SHANK2: variants seen among roughly 807,000 people sequenced by gnomAD.
SHANK2 encodes SH3 and multiple ankyrin repeat domains 2.
Under a neutral mutation model 133.7 loss-of-function variants are expected in SHANK2, and 43 were observed. That is an observed-to-expected ratio of 0.32 (90% CI 0.25 to 0.41). The LOEUF (loss-of-function observed/expected upper bound fraction) is 0.41, where lower values mean the gene tolerates loss of function less well. Among genes scored for constraint, SHANK2 ranks in the 10% least tolerant of loss-of-function variants. The pLI is 1.00. For synonymous variants in SHANK2, 1,017 were observed against 952.8 expected (o/e 1.07, Z -1.24); for missense variants, 1,994 against 2,235.8 (o/e 0.89, Z 2.18).
chr11:70,638,598 C>G (rs2061137184), intron 17 of SHANK2, among the ~76,000 whole-genome samples: 1 of 152,200 alleles, frequency 6.6e-6, no homozygotes, highest in South Asian at 2.1e-4. Context: ...CGAGGAAGCC[C>G]TATTTTCTTT....
At chr11:71,223,087 G>T (rs192889091) in intron 2 of SHANK2, among the ~76,000 whole-genome samples, 38 of 152,362 alleles carry the variant, frequency 2.5e-4, no homozygotes, top group African/African-American at 8.9e-4. Flanking sequence ...GGACATGCAG[G>T]TGCAGAGAAG....
intron 17 of SHANK2, among the ~76,000 whole-genome samples, chr11:70,646,774 T>C (rs1306022204): frequency 1.3e-5 from 2 of 152,182 alleles, no homozygotes; most frequent in African/African-American, 4.8e-5. Context: ...AAAACAGGGT[T>C]TCTGATCTTT....
rs191022843 is a variant in SHANK2, at chr11:70,577,360, G to A, written c.2062-74429C>T. ...GGAGAGTGAGGAGGGCCGTGGCCAC[G>A]CCTGTCTCCTTGGTGGAGCCACTTC... is the stretch of plus-strand genomic sequence containing the variant. On this transcript the variant is annotated intron_variant, in intron 17 of 25. Transcript: ENST00000601538. 3.1e-3 allele frequency among the ~76,000 whole-genome samples: 470 copies of A among 152,308 alleles called. 5 individuals carry two copies. Among genetic ancestry groups the A allele is most frequent in the African/African-American group, 0.01 (424 of 41,566 alleles).
intron 3 of SHANK2, among the ~76,000 whole-genome samples, chr11:71,128,651 C>A (rs1280001155): frequency 1.3e-5 from 2 of 152,222 alleles, no homozygotes; most frequent in Non-Finnish European, 2.9e-5. Flanking sequence ...TGTGTCCTAG[C>A]ACAGATGAAC....
intron 15 of SHANK2, among the ~76,000 whole-genome samples, chr11:70,666,377 C>T (rs1472828853): frequency 1.3e-5 from 2 of 152,346 alleles, no homozygotes; most frequent in East Asian, 1.9e-4. Context: ...CCCCCATCCC[C>T]ATGCAATCAG....
intron 14 of SHANK2, among the ~76,000 whole-genome samples, chr11:70,731,377 A>G (rs2134728945): frequency 6.6e-6 from 1 of 152,306 alleles, no homozygotes; most frequent in African/African-American, 2.4e-5. Flanking sequence ...GCATTTTGTT[A>G]TGAAAGTCCA....
intron 15 of SHANK2, among the ~76,000 whole-genome samples, chr11:70,670,937 AC>A (rs782452823): frequency 1.3e-5 from 2 of 152,106 alleles, no homozygotes; most frequent in East Asian, 1.9e-4. Context: ...CAGCCCGCAC[AC>A]CCGTGCCCAG....
chr11:70,927,128 A>T (rs1209665120), intron 10 of SHANK2, among the ~76,000 whole-genome samples: 1 of 152,164 alleles, frequency 6.6e-6, no homozygotes, highest in Non-Finnish European at 1.5e-5. Context: ...TCTTTGTTTT[A>T]AAAAAATAAG....
At chr11:70,826,859 C>T (rs1490164391) in intron 11 of SHANK2, 2 of 203,734 alleles carry the variant, frequency 9.8e-6, no homozygotes, top group East Asian at 1.2e-4. Flanking sequence ...CAGGCGTCCT[C>T]GAGCTGGCAG....
intron 12 of SHANK2, among the ~76,000 whole-genome samples, chr11:70,818,166 AC>A (rs1948439767): frequency 6.6e-6 from 1 of 152,220 alleles, no homozygotes; most frequent in Admixed American, 6.5e-5. Flanking sequence ...CAGGCTGGCC[AC>A]CATGATGACC....
chr11:70,550,157 C>T (rs1468383651), intron 17 of SHANK2, among the ~76,000 whole-genome samples: 1 of 152,224 alleles, frequency 6.6e-6, no homozygotes, highest in Non-Finnish European at 1.5e-5. Context: ...AGGGAGGCAC[C>T]ATCAACCCAC....
intron 2 of SHANK2, among the ~76,000 whole-genome samples, chr11:71,164,921 A>G (rs1385179068): frequency 2.6e-5 from 4 of 152,172 alleles, no homozygotes; most frequent in South Asian, 2.1e-4. Flanking sequence ...CCATCCTGCC[A>G]TCATCTGTAA....
intron 2 of SHANK2, among the ~76,000 whole-genome samples, chr11:71,204,242 A>C (rs1338329703): frequency 2.6e-5 from 4 of 151,866 alleles, no homozygotes; most frequent in African/African-American, 7.3e-5. Context: ...TCCAAAAAAA[A>C]CCCATAAACT....
chr11:71,173,853 G>T (rs1278136977), intron 2 of SHANK2, among the ~76,000 whole-genome samples: 4 of 152,246 alleles, frequency 2.6e-5, no homozygotes, highest in African/African-American at 9.6e-5. Flanking sequence ...AGACTGGAGT[G>T]ATGTGGCCAC....
intron 17 of SHANK2, among the ~76,000 whole-genome samples, chr11:70,642,009 T>C (rs545420731): frequency 1.3e-5 from 2 of 152,230 alleles, no homozygotes; most frequent in East Asian, 3.9e-4. Context: ...TTCCTGGGAG[T>C]TCCTGGGTCT....
chr11:70,862,876 T>G, intron 11 of SHANK2: 1 of 248,924 alleles, frequency 4.0e-6, no homozygotes, highest in Non-Finnish European at 8.0e-6. Flanking sequence ...AGGTAAGAAT[T>G]TGGGAGGAGG....
intron 17 of SHANK2, among the ~76,000 whole-genome samples, chr11:70,594,790 A>T (rs2060375012): frequency 6.6e-6 from 1 of 152,120 alleles, no homozygotes. Context: ...CCCATCACCT[A>T]AGCAACAGTG....
At chr11:70,628,062 C>A (rs1365131058) in intron 17 of SHANK2, among the ~76,000 whole-genome samples, 3 of 152,120 alleles carry the variant, frequency 2.0e-5, no homozygotes, top group African/African-American at 7.2e-5. Context: ...CAGCTTCAAG[C>A]GATTCTCCTG....
At chr11:70,614,177 C>T (rs2060705404) in intron 17 of SHANK2, among the ~76,000 whole-genome samples, 2 of 152,316 alleles carry the variant, frequency 1.3e-5, no homozygotes, top group South Asian at 4.1e-4. Flanking sequence ...TCAGCACCAC[C>T]AGAAGCTGGA....
Sources: allele counts gnomAD v4.1 joint callset (sites outside exome capture counted in the v4.1 genomes callset), GRCh38; gene constraint gnomAD v4.1.1; transcripts MANE v1.5; gene names NCBI Gene and HGNC (gene_info 2026-07-23, HGNC 2026-07-21).